The following MYO16 variants were observed in gnomAD, a reference collection of about 807,000 sequenced individuals.
MYO16 encodes unconventional myosin-XVI.
MYO16 carries 94 observed loss-of-function variants against 205.3 expected under a neutral mutation model. That is an observed-to-expected ratio of 0.46 (90% CI 0.39 to 0.54). MYO16 has a LOEUF of 0.54. Ranked by LOEUF, MYO16 falls within the 20% of genes least tolerant of loss-of-function variation. The pLI, the probability that MYO16 is intolerant of heterozygous loss-of-function variation, is 0.00. For missense variants in MYO16, 2,315 were observed against 2,387.5 expected (o/e 0.97, Z 0.63); for synonymous variants, 988 against 954.0 (o/e 1.04, Z -0.66).
intron 16 of MYO16, among the ~76,000 whole-genome samples, chr13:108,942,612 A>G (rs1882777980): frequency 6.6e-6 from 1 of 152,202 alleles, no homozygotes; most frequent in African/African-American, 2.4e-5. Context: ...AAAATGTGGT[A>G]TATGTATATC....
chr13:108,516,414 A>T, the MYO16 span, among the ~76,000 whole-genome samples: 1 of 152,072 alleles, frequency 6.6e-6, no homozygotes, highest in Non-Finnish European at 1.5e-5. Flanking sequence ...CCTCAGATGG[A>T]AATGCAGAAA....
the MYO16 span, among the ~76,000 whole-genome samples, chr13:108,575,382 T>C: frequency 6.6e-6 from 1 of 152,148 alleles, no homozygotes; most frequent in Non-Finnish European, 1.5e-5. Context: ...CTGATAGGTC[T>C]CAGTGTTGCA....
chr13:108,498,075 A>C, the MYO16 span, among the ~76,000 whole-genome samples: 39 of 152,332 alleles, frequency 2.6e-4, 1 homozygote, highest in South Asian at 8.1e-3. Flanking sequence ...ACATTTGCAT[A>C]AGTGAGAAGA....
intron 2 of MYO16, among the ~76,000 whole-genome samples, chr13:108,684,410 G>A (rs1006110214): frequency 1.3e-5 from 2 of 152,190 alleles, no homozygotes; most frequent in African/African-American, 4.8e-5. Context: ...AAGAGGAAAG[G>A]GGGTATGTGC....
intron 2 of MYO16, among the ~76,000 whole-genome samples, chr13:108,672,314 TA>T (rs199674369): frequency 1.2e-4 from 18 of 151,592 alleles, no homozygotes; most frequent in Admixed American, 3.3e-4. Flanking sequence ...ATTGAGAAAG[TA>T]AAAAAAAATT....
the MYO16 span, among the ~76,000 whole-genome samples, chr13:108,548,996 A>G: frequency 1.3e-5 from 2 of 152,108 alleles, no homozygotes; most frequent in Non-Finnish European, 2.9e-5. Context: ...CGATAAAGAG[A>G]AGAGAGAATT....
chr13:108,945,237 C>T (rs565201551), intron 16 of MYO16, among the ~76,000 whole-genome samples: 1 of 152,262 alleles, frequency 6.6e-6, no homozygotes, highest in Admixed American at 6.5e-5. Context: ...GAATTTTTCA[C>T]TTTCCATTAA....
chr13:109,165,227 T>A (rs1238477075), intron 33 of MYO16, among the ~76,000 whole-genome samples, 168 bp downstream of exon 33: 1 of 152,226 alleles, frequency 6.6e-6, no homozygotes, highest in Non-Finnish European at 1.5e-5. Flanking sequence ...TATGATTGCT[T>A]CAGTTAAAGA....
At chr13:108,745,819 A>G (rs1303416433) in intron 4 of MYO16, among the ~76,000 whole-genome samples, 1 of 152,196 alleles carries the variant, frequency 6.6e-6, no homozygotes, top group East Asian at 1.9e-4. Flanking sequence ...AAAGAGATGG[A>G]CGATGTAAGC....
intron 9 of MYO16, among the ~76,000 whole-genome samples, chr13:108,825,429 G>T (rs1876199515): frequency 6.6e-6 from 1 of 151,704 alleles, no homozygotes; most frequent in Non-Finnish European, 1.5e-5. Context: ...ATAAAAAAAA[G>T]AAACAAAACA....
intron 7 of MYO16, among the ~76,000 whole-genome samples, chr13:108,813,100 T>C (rs1297494152): frequency 6.6e-6 from 1 of 152,074 alleles, no homozygotes; most frequent in Non-Finnish European, 1.5e-5. Context: ...AGGAGGATTA[T>C]GAGATTTGCG....
the MYO16 span, among the ~76,000 whole-genome samples, chr13:108,504,509 C>T: frequency 6.6e-6 from 1 of 151,930 alleles, no homozygotes; most frequent in African/African-American, 2.4e-5. Flanking sequence ...TATAACTCAG[C>T]CCCTGGTAAC....
intron 2 of MYO16, among the ~76,000 whole-genome samples, chr13:108,696,222 T>A (rs562871826): frequency 6.6e-6 from 1 of 152,266 alleles, no homozygotes; most frequent in Admixed American, 6.5e-5. Context: ...TTCCAGCAAT[T>A]CCACCTCTAA....
chr13:109,025,409 A>G (rs754204911), intron 23 of MYO16, among the ~76,000 whole-genome samples: 4 of 152,172 alleles, frequency 2.6e-5, no homozygotes, highest in Non-Finnish European at 5.9e-5. Flanking sequence ...TTCATTACTC[A>G]TAGGAGCACA....
chr13:108,643,651 G>A (rs191479089), intron 1 of MYO16, among the ~76,000 whole-genome samples: 100 of 152,288 alleles, frequency 6.6e-4, no homozygotes, highest in Middle Eastern at 3.4e-3. Flanking sequence ...TTATTGTTGA[G>A]TAGGATTCTC....
At chr13:108,761,238 G>A (rs535625475) in intron 4 of MYO16, among the ~76,000 whole-genome samples, 6 of 152,258 alleles carry the variant, frequency 3.9e-5, no homozygotes, top group African/African-American at 1.4e-4. Context: ...ATTTGGATAA[G>A]CTCATCTGAC....
chr13:108,674,037 G>A (rs1263906602), intron 2 of MYO16, among the ~76,000 whole-genome samples: 2 of 152,094 alleles, frequency 1.3e-5, no homozygotes, highest in Non-Finnish European at 2.9e-5. Flanking sequence ...CTAAATAGAT[G>A]CCTAAAATAT....
At chr13:108,926,337 T>C (rs1387032516) in intron 16 of MYO16, among the ~76,000 whole-genome samples, 2 of 152,222 alleles carry the variant, frequency 1.3e-5, no homozygotes, top group African/African-American at 4.8e-5. Flanking sequence ...TGAAGTACAA[T>C]GCTCCTTTCT....
chr13:108,881,336 A>G (rs1174516529), intron 12 of MYO16, among the ~76,000 whole-genome samples: 1 of 152,154 alleles, frequency 6.6e-6, no homozygotes, highest in Non-Finnish European at 1.5e-5. Context: ...CAAGATGGGG[A>G]GAAACCAGAG....
Sources: allele counts gnomAD v4.1 joint callset (sites outside exome capture counted in the v4.1 genomes callset), GRCh38; gene constraint gnomAD v4.1.1; transcripts MANE v1.5; gene names NCBI Gene and HGNC (gene_info 2026-07-23, HGNC 2026-07-21).